Variants in ZMAT2 observed in about 807,000 individuals in gnomAD.
The protein encoded by ZMAT2 is zinc finger matrin-type protein 2.
A neutral mutation model predicts 27.5 loss-of-function variants in ZMAT2; 5 were observed. The observed-to-expected ratio is 0.18, with a 90% CI of 0.10 to 0.38. The LOEUF (loss-of-function observed/expected upper bound fraction) is 0.38. Among genes scored for constraint, ZMAT2 ranks in the 10% least tolerant of loss-of-function variants. The pLI is 1.00. For missense variants in ZMAT2, 124 were observed against 243.9 expected (o/e 0.51, Z 3.27); for synonymous variants, 76 against 78.6 (o/e 0.97, Z 0.17).
chr5:140,700,780 G>T, intron 1 of ZMAT2, 39 bp from the exon 2 acceptor site: 1 of 1,609,236 alleles, frequency 6.2e-7, no homozygotes, highest in South Asian at 1.1e-5. Context: ...TAGGGGCCCA[G>T]ACACGGCGAC....
intron 1 of ZMAT2, 82 bp downstream of exon 1, chr5:140,700,560 G>C (rs1390448087): frequency 6.2e-7 from 1 of 1,601,666 alleles, no homozygotes; most frequent in East Asian, 2.2e-5. Flanking sequence ...TCCTGCACCC[G>C]ACTGGCTTCC....
At chr5:140,700,708 G>C in intron 1 of ZMAT2, 111 bp from the exon 2 acceptor site, 1 of 1,357,632 alleles carries the variant, frequency 7.4e-7, no homozygotes, top group African/African-American at 1.5e-5. Flanking sequence ...AGTCCAAAGA[G>C]GCTTTGCTTT....
chr5:140,703,291 A>G (rs2530233), intron 3 of ZMAT2, among the ~76,000 whole-genome samples: 63,809 of 148,204 alleles, frequency 0.43, 13,840 homozygotes, highest in East Asian at 0.46. Flanking sequence ...GCCCAGGATG[A>G]AATGCAATGG....
chr5:140,703,584 C>T (rs1760002902), intron 3 of ZMAT2, among the ~76,000 whole-genome samples: 1 of 152,148 alleles, frequency 6.6e-6, no homozygotes, highest in South Asian at 2.1e-4. Context: ...ACTGGCTTCC[C>T]CAGAGCAAGT....
In ZMAT2 at chr5:140,700,806, T is replaced by A. The variant is rs780007352; in HGVS notation, c.19-13T>A. The A allele has an allele frequency of 6.2e-7, 1 of 1,613,556 alleles. No homozygotes were observed. The highest frequency in any genetic ancestry group is 1.1e-5 in the South Asian group (1 of 91,058). Reference sequence around the variant, plus strand: ...ACACGGCGACGGATCTTGACGCTTTTTCCTCCCCACAGACAAAAAACTTGG... The same window carrying A: ...ACACGGCGACGGATCTTGACGCTTTATCCTCCCCACAGACAAAAAACTTGG... On this transcript the variant is annotated splice_polypyrimidine_tract_variant and intron_variant, in intron 1 of 5. Transcript: ENST00000274712.
intron 2 of ZMAT2, among the ~76,000 whole-genome samples, 189 bp downstream of exon 2, chr5:140,701,101 A>G (rs894278846): frequency 6.6e-6 from 1 of 152,100 alleles, no homozygotes; most frequent in Non-Finnish European, 1.5e-5. Context: ...TAGTTTTGAG[A>G]TGCTCTTCAG....
Position 140,705,696 on chromosome 5 carries a change from C to T in ZMAT2, c.540C>T (p.Asp180=), listed in dbSNP as rs79385276. ...AGGAGGACTTGACATTTGAGGAGGA[C>T]GATGAGATGGCAGCTGTGATGGGCT... ...RAEEDLTFEE[D]DEMAAVMGFS... is the part of the protein sequence containing the mutation. Residue 180 remains aspartate (D), a synonymous_variant, in exon 6 of 6, where the codon GAC becomes GAT. Transcript: ENST00000274712. 4.9e-4 allele frequency: 798 copies of T among 1,614,022 alleles called. 1 individual carries two copies. In the African/African-American group the frequency reaches 9.1e-3, roughly 18 times the overall value.
intron 3 of ZMAT2, among the ~76,000 whole-genome samples, chr5:140,703,558 T>G (rs1303224652): frequency 6.6e-6 from 1 of 152,196 alleles, no homozygotes; most frequent in Non-Finnish European, 1.5e-5. Flanking sequence ...TCTATAAGAC[T>G]GCTCACAATA....
chr5:140,701,221 A>G (rs1452905386), intron 2 of ZMAT2, among the ~76,000 whole-genome samples: 2 of 152,178 alleles, frequency 1.3e-5, no homozygotes, highest in African/African-American at 2.4e-5. Flanking sequence ...AGTTAAGTAG[A>G]GTATTTTGCT....
Position 140,705,787 on chromosome 5 carries a change from A to G in ZMAT2, c.*31A>G, listed in dbSNP as rs577155951. The G allele has an allele frequency of 2.4e-5, 39 of 1,607,976 alleles. No homozygotes were observed. In the East Asian group the frequency reaches 2.9e-4, roughly 12 times the overall value. ...TCTGTGCTTGGCCTGACTTTGGCCT[A>G]TGCTGGACCTAACTTTGCGTGTGTG... On this transcript the variant is annotated 3_prime_UTR_variant, in exon 6 of 6. Transcript: ENST00000274712.
chr5:140,703,327 G>A (rs1294058812), intron 3 of ZMAT2, among the ~76,000 whole-genome samples: 2 of 146,930 alleles, frequency 1.4e-5, no homozygotes, highest in Non-Finnish European at 3.0e-5. Flanking sequence ...CCACAGCCTC[G>A]CCTCCTGGGT....
At chr5:140,703,682 C>T (rs1423692092) in intron 3 of ZMAT2, among the ~76,000 whole-genome samples, 1 of 152,018 alleles carries the variant, frequency 6.6e-6, no homozygotes, top group Non-Finnish European at 1.5e-5. Flanking sequence ...GCCAAACAGA[C>T]CAACTCTGGT....
intron 5 of ZMAT2, among the ~76,000 whole-genome samples, chr5:140,704,787 C>T (rs1190735758): frequency 6.8e-6 from 1 of 146,610 alleles, no homozygotes; most frequent in African/African-American, 2.6e-5. Flanking sequence ...CTCTCTGGGC[C>T]TTATTTTTTT....
At position 140,706,054 on chromosome 5, in the gene ZMAT2, C is replaced by T. The variant is rs945222506; in HGVS notation, c.*298C>T. On this transcript the variant is annotated 3_prime_UTR_variant, in exon 6 of 6. Transcript: ENST00000274712. ...TTCTGAGGCTGCTTTCCCAAAACTC[C>T]CCCTGCATCTTTATCTCTTCATCTA... The T allele has an allele frequency of 2.8e-4, 90 of 316,722 alleles. No individual in the cohort carries two copies. The Middle Eastern group carries it at 3.4e-3, about 12-fold the overall frequency. The allele number at this position is 316,722 out of a possible 1,614,324, so 19.6% of individuals were successfully genotyped here. A position where few individuals can be genotyped will look rare whatever the true frequency, so the allele number is the denominator to read the frequency against.
chr5:140,706,069 C>T lies in ZMAT2; in HGVS notation c.*313C>T. 1 of 288,900 alleles carries T rather than the reference C, an allele frequency of 3.5e-6. No individual in the cohort carries two copies. Among genetic ancestry groups the T allele is most frequent in the Admixed American group, 4.8e-5 (1 of 21,044 alleles). The allele number at this position is 288,900 out of a possible 1,614,324, so 17.9% of individuals were successfully genotyped here. A position where few individuals can be genotyped will look rare whatever the true frequency, so the allele number is the denominator to read the frequency against. ...CCCAAAACTCCCCCTGCATCTTTATCTCTTCATCTATCCCACCTCTTGTCT... is the reference window on the plus strand; with the variant it reads ...CCCAAAACTCCCCCTGCATCTTTATTTCTTCATCTATCCCACCTCTTGTCT... On this transcript the variant is annotated 3_prime_UTR_variant, in exon 6 of 6. Transcript: ENST00000274712.
chr5:140,700,772 G>C (rs367898886), intron 1 of ZMAT2, 47 bp from the exon 2 acceptor site: 33 of 1,602,662 alleles, frequency 2.1e-5, no homozygotes, highest in Non-Finnish European at 2.6e-5. Context: ...TGCTTCTCTA[G>C]GGGCCCAGAC....
chr5:140,701,646 G>C (rs868000181), intron 2 of ZMAT2, among the ~76,000 whole-genome samples: 1 of 152,118 alleles, frequency 6.6e-6, no homozygotes. Context: ...GTTCCTTTCC[G>C]TTATGCCTAG....
At chr5:140,702,942 C>G (rs1016298146) in intron 3 of ZMAT2, among the ~76,000 whole-genome samples, 6 of 152,190 alleles carry the variant, frequency 3.9e-5, no homozygotes, top group Admixed American at 3.9e-4. Flanking sequence ...TTGTCCATTC[C>G]TGTCTGTATT....
At chr5:140,700,528 T>C in intron 1 of ZMAT2, 50 bp downstream of exon 1, 1 of 1,612,086 alleles carries the variant, frequency 6.2e-7, no homozygotes, top group Non-Finnish European at 8.5e-7. Context: ...GAATGGTTTT[T>C]CAGACCTGAA....
Sources: gnomAD v4.1 joint callset for allele counts (sites outside exome capture counted in the v4.1 genomes callset) on GRCh38, gnomAD v4.1.1 for gene constraint, MANE v1.5 for transcripts, NCBI Gene and HGNC (gene_info 2026-07-23, HGNC 2026-07-21) for gene names.